Variants in RARB observed in about 807,000 individuals in gnomAD.
RARB encodes the protein retinoic acid receptor beta, also known as HBV-activated protein.
RARB carries 17 observed loss-of-function variants against 51.9 expected under a neutral mutation model. The ratio of observed to expected loss-of-function variants is 0.33; its 90% confidence interval spans 0.22 to 0.49. RARB has a LOEUF of 0.49. Among genes scored for constraint, RARB ranks in the 20% least tolerant of loss-of-function variants. The probability of loss-of-function intolerance (pLI) is 0.99; values close to 1 mark genes in which losing one functional copy is unlikely to be tolerated. For missense variants in RARB, 369 were observed against 550.8 expected (o/e 0.67, Z 3.30); for synonymous variants, 215 against 195.4 (o/e 1.10, Z -0.84).
At chr3:25,330,192 C>A (rs547394691) in intron 5 of RARB, among the ~76,000 whole-genome samples, 12 of 152,168 alleles carry the variant, frequency 7.9e-5, no homozygotes, top group Non-Finnish European at 1.8e-4. Flanking sequence ...CCGAGAAGAG[C>A]AACCCCAAGA....
chr3:25,071,965 G>A (rs1698775460), intron 3 of RARB, among the ~76,000 whole-genome samples: 1 of 152,170 alleles, frequency 6.6e-6, no homozygotes. Flanking sequence ...GGCAAACCAT[G>A]CTACCTACAA....
At chr3:25,307,657 T>C (rs976082409) in intron 5 of RARB, among the ~76,000 whole-genome samples, 3 of 152,202 alleles carry the variant, frequency 2.0e-5, no homozygotes, top group African/African-American at 7.2e-5. Context: ...TCAGGAATTA[T>C]TTAGTTTCTT....
chr3:25,309,534 G>C (rs1178868194), intron 5 of RARB, among the ~76,000 whole-genome samples: 3 of 116,102 alleles, frequency 2.6e-5, no homozygotes, highest in Non-Finnish European at 4.9e-5. Context: ...GTCTCGCCCT[G>C]TCGCCCAGGC....
chr3:25,454,983 G>C (rs1694840104), intron 1 of RARB, among the ~76,000 whole-genome samples: 1 of 152,194 alleles, frequency 6.6e-6, no homozygotes. Context: ...TCGTCAGTGG[G>C]AACTCGGGAA....
chr3:25,130,660 G>A (rs1409820826), intron 3 of RARB, among the ~76,000 whole-genome samples: 1 of 151,696 alleles, frequency 6.6e-6, no homozygotes, highest in Non-Finnish European at 1.5e-5. Flanking sequence ...TGCCTTCTGT[G>A]CTCCAATTCA....
At chr3:24,902,072 C>T (rs530459791) in intron 2 of RARB, among the ~76,000 whole-genome samples, 5 of 151,924 alleles carry the variant, frequency 3.3e-5, no homozygotes, top group African/African-American at 9.6e-5. Flanking sequence ...GAAAGACTTA[C>T]ATATATTTTA....
At chr3:25,237,521 C>T (rs923279356) in intron 5 of RARB, among the ~76,000 whole-genome samples, 7 of 152,086 alleles carry the variant, frequency 4.6e-5, no homozygotes, top group Middle Eastern at 3.4e-3. Context: ...AAAAAAGCCA[C>T]CCTCCAAAAA....
intron 1 of RARB, among the ~76,000 whole-genome samples, chr3:24,844,369 A>G (rs1169820606): frequency 1.3e-5 from 2 of 152,222 alleles, no homozygotes; most frequent in Non-Finnish European, 2.9e-5. Flanking sequence ...TTTCTTGCTC[A>G]TAAAAGACAA....
chr3:24,880,367 C>A (rs11711882), intron 2 of RARB, among the ~76,000 whole-genome samples: 1 of 151,830 alleles, frequency 6.6e-6, no homozygotes, highest in African/African-American at 2.4e-5. Context: ...GGGGGCAACA[C>A]GAATCTGTAA....
intron 5 of RARB, among the ~76,000 whole-genome samples, chr3:25,590,344 T>C (rs796704068): frequency 6.6e-6 from 1 of 152,374 alleles, no homozygotes; most frequent in African/African-American, 2.4e-5. Flanking sequence ...CCTGGTCTTT[T>C]GTTCCTTTCC....
chr3:25,071,593 C>T (rs926694219), intron 3 of RARB, among the ~76,000 whole-genome samples: 1 of 152,112 alleles, frequency 6.6e-6, no homozygotes, highest in South Asian at 2.1e-4. Flanking sequence ...GTCTAGACCA[C>T]AAGGTTATAT....
At chr3:25,111,169 T>C in intron 3 of RARB, among the ~76,000 whole-genome samples, 1 of 152,176 alleles carries the variant, frequency 6.6e-6, no homozygotes. Flanking sequence ...AAGTAATCAA[T>C]CCTAATACTA....
chr3:24,944,748 C>G (rs1695738930), intron 2 of RARB, among the ~76,000 whole-genome samples: 1 of 152,176 alleles, frequency 6.6e-6, no homozygotes, highest in Admixed American at 6.5e-5. Flanking sequence ...CTAAGTAGAA[C>G]AGGTACAAGC....
At chr3:25,075,524 T>C (rs1559457168) in intron 3 of RARB, among the ~76,000 whole-genome samples, 1 of 152,106 alleles carries the variant, frequency 6.6e-6, no homozygotes. Context: ...ATAGGGAAAA[T>C]ATTTCCCCCG....
chr3:24,963,809 A>G (rs539037438), intron 2 of RARB, among the ~76,000 whole-genome samples: 36 of 152,214 alleles, frequency 2.4e-4, no homozygotes, highest in Admixed American at 2.0e-3. Context: ...TTCTTTTCCA[A>G]AATCAACTTA....
intron 5 of RARB, among the ~76,000 whole-genome samples, chr3:25,240,791 TC>T (rs1341265060): frequency 6.6e-6 from 1 of 152,192 alleles, no homozygotes; most frequent in Non-Finnish European, 1.5e-5. Flanking sequence ...CCTGTAGTTT[TC>T]TTTTTTGTTG....
At chr3:25,125,014 T>A (rs1189469178) in intron 3 of RARB, among the ~76,000 whole-genome samples, 1 of 152,210 alleles carries the variant, frequency 6.6e-6, no homozygotes, top group Non-Finnish European at 1.5e-5. Context: ...TGATAAAAAT[T>A]CTTGATTGAG....
chr3:25,091,369 T>TA (rs1699196330), intron 3 of RARB, among the ~76,000 whole-genome samples: 1 of 152,272 alleles, frequency 6.6e-6, no homozygotes, highest in African/African-American at 2.4e-5. Flanking sequence ...ATTCTCAAGC[T>TA]ACTGCCCTCT....
intron 3 of RARB, among the ~76,000 whole-genome samples, chr3:25,131,314 C>T (rs141320446): frequency 3.4e-4 from 51 of 152,140 alleles, no homozygotes; most frequent in African/African-American, 1.2e-3. Context: ...TGGAGTCATT[C>T]GCTCTTTAAC....
Sources: allele counts gnomAD v4.1 joint callset (sites outside exome capture counted in the v4.1 genomes callset), GRCh38; gene constraint gnomAD v4.1.1; transcripts MANE v1.5; gene names NCBI Gene and HGNC (gene_info 2026-07-23, HGNC 2026-07-21).